The following TRPM7 variants were observed in gnomAD, a reference collection of about 807,000 sequenced individuals.
The protein encoded by TRPM7 is LTRPC ion channel family member 7.
TRPM7 carries 134 observed loss-of-function variants against 229.7 expected under a neutral mutation model. That is an observed-to-expected ratio of 0.58 (90% CI 0.51 to 0.67). The LOEUF (loss-of-function observed/expected upper bound fraction) is 0.67, where lower values mean the gene tolerates loss of function less well. Ranked by LOEUF, TRPM7 falls within the 30% of genes least tolerant of loss-of-function variation. The probability of loss-of-function intolerance (pLI) is 0.00; values close to 1 mark genes in which losing one functional copy is unlikely to be tolerated. For missense variants in TRPM7, 1,901 were observed against 2,210.0 expected (o/e 0.86, Z 2.80); for synonymous variants, 699 against 715.2 (o/e 0.98, Z 0.36).
chr15:50,573,040 C>T (rs2053963452), intron 36 of TRPM7, among the ~76,000 whole-genome samples: 1 of 152,184 alleles, frequency 6.6e-6, no homozygotes, highest in African/African-American at 2.4e-5. Context: ...AACCTGCCCT[C>T]TTGCAGTCAC....
intron 35 of TRPM7, 70 bp from the exon 36 acceptor site, chr15:50,574,549 A>G: frequency 1.3e-6 from 2 of 1,542,452 alleles, no homozygotes; most frequent in Non-Finnish European, 1.8e-6. Context: ...TACAAAATGG[A>G]TAATTAAATA....
intron 1 of TRPM7, among the ~76,000 whole-genome samples, chr15:50,677,403 TAAC>T (rs1209217139): frequency 3.3e-5 from 5 of 151,512 alleles, no homozygotes; most frequent in Non-Finnish European, 5.9e-5. Context: ...ATTCAGTACA[TAAC>T]AACAACAACA....
At position 50,681,325 on chromosome 15, in the gene TRPM7, C is replaced by A. The variant is rs145932684; in HGVS notation, c.3+5206G>T. ...TCAGAGCAATGGCCACAGCTAAATGCCGACACATTAGCTAATGCAAAAATG... is the reference window on the plus strand; with the variant it reads ...TCAGAGCAATGGCCACAGCTAAATGACGACACATTAGCTAATGCAAAAATG... On this transcript the variant is annotated intron_variant, in intron 1 of 38. Coordinates refer to ENST00000646667, the MANE Select transcript of TRPM7 (RefSeq NM_017672.6). Among the ~76,000 whole-genome samples the A allele has an allele frequency of 4.1e-3, 614 of 150,722 alleles. 5 individuals are homozygous for A. The highest frequency in any genetic ancestry group is 0.014 in the African/African-American group (580 of 40,414).
In TRPM7 at chr15:50,648,722, TTA is replaced by T; in HGVS notation, c.284_285del (p.Ile95LysfsTer12). 6.2e-7 allele frequency: 1 copy of T among 1,610,404 alleles called. No homozygotes were observed. The highest frequency in any genetic ancestry group is 8.5e-7 in the Non-Finnish European group (1 of 1,178,084). On this transcript the variant is annotated frameshift_variant, in exon 4 of 39. Coordinates refer to ENST00000646667, the MANE Select transcript of TRPM7 (RefSeq NM_017672.6). LOFTEE classifies it high-confidence loss of function. ...EQSPTDAYGV[I>X]NFQGGSHSYR... is the part of the protein sequence containing the mutation. ...TAGGAATGAGAACCCCCTTGAAAAT[TTA>T]TGACTCCATAAGCATCCGTTGGGCT... is the stretch of plus-strand genomic sequence containing the variant.
At chr15:50,583,233 G>A (rs2054511495) in intron 28 of TRPM7, 74 bp from the exon 29 acceptor site, 4 of 1,050,310 alleles carry the variant, frequency 3.8e-6, no homozygotes, top group Non-Finnish European at 5.7e-6. Flanking sequence ...CAAACACAAA[G>A]TATTCTAGGC....
chr15:50,648,681 A>T lies in TRPM7; in HGVS notation c.321+6T>A. ...TAAATGAAGAAAAATCCAATATGTG[A>T]CATACCTTAGCTCTGTAGGAATGAG... On this transcript the variant is annotated splice_donor_region_variant and intron_variant, in intron 4 of 38. Coordinates refer to ENST00000646667, the MANE Select transcript of TRPM7 (RefSeq NM_017672.6). 1 of 1,585,300 alleles carries T rather than the reference A, an allele frequency of 6.3e-7. No individual in the cohort carries two copies. Among genetic ancestry groups the T allele is most frequent in the Non-Finnish European group, 8.6e-7 (1 of 1,166,080 alleles).
chr15:50,678,234 T>A, intron 1 of TRPM7, among the ~76,000 whole-genome samples: 2 of 110,318 alleles, frequency 1.8e-5, no homozygotes, highest in Non-Finnish European at 3.7e-5. Context: ...AGTGAGACTC[T>A]CTCTCAAAAA....
chr15:50,648,567 T>C (rs1019885669), intron 4 of TRPM7, 120 bp downstream of exon 4: 1 of 775,908 alleles, frequency 1.3e-6, no homozygotes. Context: ...TGCACCTTTG[T>C]ACTTTAAAAT....
At chr15:50,598,401 C>T (rs527461126) in intron 22 of TRPM7, among the ~76,000 whole-genome samples, 15 of 152,268 alleles carry the variant, frequency 9.9e-5, no homozygotes, top group African/African-American at 2.9e-4. Context: ...GTGGGAGTTA[C>T]GTCATTGATT....
intron 1 of TRPM7, among the ~76,000 whole-genome samples, chr15:50,679,277 G>T (rs2062174328): frequency 6.6e-6 from 1 of 150,620 alleles, no homozygotes; most frequent in African/African-American, 2.4e-5. Flanking sequence ...TGGGAATACA[G>T]TAAGCCATGA....
At position 50,628,358 on chromosome 15, in the gene TRPM7, A is replaced by G. The variant is rs143742875; in HGVS notation, c.1205-109T>C. On this transcript the variant is annotated intron_variant, in intron 10 of 38. Coordinates refer to ENST00000646667, the MANE Select transcript of TRPM7 (RefSeq NM_017672.6). ...GGGGTCTTGGTCTGTTGCTCAGGCTAAAGTGCAAAGGTGATCATGGCTCAC... is the reference window on the plus strand; with the variant it reads ...GGGGTCTTGGTCTGTTGCTCAGGCTGAAGTGCAAAGGTGATCATGGCTCAC... The G allele has an allele frequency of 3.2e-5, 23 of 710,484 alleles. No homozygotes were observed. The East Asian group carries it at 4.6e-4, about 14-fold the overall frequency. The allele number at this position is 710,484 out of a possible 1,614,324, so 44.0% of individuals were successfully genotyped here.
At chr15:50,629,860 T>C (rs1476784428) in intron 10 of TRPM7, among the ~76,000 whole-genome samples, 2 of 28,136 alleles carry the variant, frequency 7.1e-5, no homozygotes, top group African/African-American at 1.3e-4. Flanking sequence ...CTTTTTAACC[T>C]TTTTTTTTTT....
At position 50,640,773 on chromosome 15, in the gene TRPM7, T is replaced by C. The variant is rs191143970; in HGVS notation, c.536-1225A>G. Among the ~76,000 whole-genome samples, 23 of 152,272 alleles carry C rather than the reference T, an allele frequency of 1.5e-4. No individual in the cohort carries two copies. The East Asian group carries it at 4.4e-3, about 29-fold the overall frequency. ...CCTCTGGAGTGGCCCTGAATCTAAC[T>C]GGTGCTCTTATAAAGAAATCTGAAT... is the stretch of plus-strand genomic sequence containing the variant. On this transcript the variant is annotated intron_variant, in intron 5 of 38. Coordinates refer to ENST00000646667, the MANE Select transcript of TRPM7 (RefSeq NM_017672.6).
chr15:50,586,948 G>A (rs1320609295), intron 27 of TRPM7, among the ~76,000 whole-genome samples: 4 of 152,084 alleles, frequency 2.6e-5, no homozygotes, highest in African/African-American at 4.8e-5. Context: ...CCCGGGAGGC[G>A]TAGGGTGCAG....
At chr15:50,586,978 T>C (rs1404602671) in intron 27 of TRPM7, among the ~76,000 whole-genome samples, 7 of 152,012 alleles carry the variant, frequency 4.6e-5, no homozygotes, top group Admixed American at 6.6e-5. Context: ...ATCAAGCCAC[T>C]GCACTCCAGC....
intron 30 of TRPM7, among the ~76,000 whole-genome samples, chr15:50,579,170 G>A (rs940181681): frequency 6.6e-6 from 1 of 152,066 alleles, no homozygotes; most frequent in Non-Finnish European, 1.5e-5. Flanking sequence ...ACATACACTG[G>A]CACCAAATGC....
intron 1 of TRPM7, among the ~76,000 whole-genome samples, chr15:50,666,330 C>T (rs942147601): frequency 2.6e-5 from 4 of 151,698 alleles, no homozygotes; most frequent in Non-Finnish European, 5.9e-5. Flanking sequence ...GACCCAGCTA[C>T]TTAGGAGGCT....
chr15:50,663,778 C>T (rs1364064691), intron 1 of TRPM7, among the ~76,000 whole-genome samples: 1 of 152,088 alleles, frequency 6.6e-6, no homozygotes, highest in Non-Finnish European at 1.5e-5. Flanking sequence ...CCCTGGAAAA[C>T]ATGGTGAAAC....
At chr15:50,667,421 G>T (rs8033532) in intron 1 of TRPM7, among the ~76,000 whole-genome samples, 84,350 of 152,080 alleles carry the variant, frequency 0.55, 23,525 homozygotes, top group Admixed American at 0.62. Flanking sequence ...AATAAGAGCT[G>T]CTGGCCGGGC....
Sources: gnomAD v4.1 joint callset for allele counts (sites outside exome capture counted in the v4.1 genomes callset) on GRCh38, gnomAD v4.1.1 for gene constraint, MANE v1.5 for transcripts, NCBI Gene and HGNC (gene_info 2026-07-23, HGNC 2026-07-21) for gene names.